The following SLCO1B1 variants were observed in gnomAD, a reference collection of about 807,000 sequenced individuals.
The protein encoded by SLCO1B1 is OATP-2.
SLCO1B1 carries 81 observed loss-of-function variants against 70.1 expected under a neutral mutation model. The observed-to-expected ratio is 1.16, with a 90% confidence interval of 0.97 to 1.39. SLCO1B1 has a LOEUF of 1.39. Ranked by LOEUF, SLCO1B1 falls within the 40% of genes most tolerant of loss-of-function variation. The probability of loss-of-function intolerance (pLI) is 0.00; values close to 1 mark genes in which losing one functional copy is unlikely to be tolerated. For missense variants in SLCO1B1, 895 were observed against 799.6 expected (o/e 1.12, Z -1.44); for synonymous variants, 283 against 271.5 (o/e 1.04, Z -0.42).
intron 2 of SLCO1B1, chr12:21,164,883 A>G (rs1354506536): frequency 4.3e-6 from 2 of 467,470 alleles, no homozygotes; most frequent in Non-Finnish European, 8.5e-6. Flanking sequence ...ATAAAACTCA[A>G]TACATATTAT....
In SLCO1B1 at chr12:21,231,234, T is replaced by C. The variant is rs1941533865; in HGVS notation, c.1865+6395T>C. The stretch of plus-strand genomic sequence containing the variant: ...AATCCAGTCTATCACTGATGGACAT[T>C]TGGGTTGGTTCCAAGTCTTTGCTAT... On this transcript the variant is annotated intron_variant, in intron 14 of 14. Transcript: ENST00000256958. Among the ~76,000 whole-genome samples the C allele has an allele frequency of 2.6e-5, 4 of 152,206 alleles. No individual in the cohort carries two copies. The South Asian group carries it at 6.2e-4, about 24-fold the overall frequency.
Position 21,150,974 on chromosome 12 carries a change from A to G in SLCO1B1, c.84+9316A>G, listed in dbSNP as rs540363085. On this transcript the variant is annotated intron_variant, in intron 2 of 14. Transcript: ENST00000256958. ...GATATATAGTCATGTGTCATTTAACAACAGGAATGCATTATGAGAAATGCA... is the reference window on the plus strand; with the variant it reads ...GATATATAGTCATGTGTCATTTAACGACAGGAATGCATTATGAGAAATGCA... Among the ~76,000 whole-genome samples, 4 of 152,344 alleles carry G rather than the reference A, an allele frequency of 2.6e-5. No individual in the cohort carries two copies. The East Asian group carries it at 7.7e-4, about 29-fold the overall frequency.
intron 4 of SLCO1B1, among the ~76,000 whole-genome samples, chr12:21,175,837 C>A (rs1193607658): frequency 6.6e-6 from 1 of 151,830 alleles, no homozygotes; most frequent in African/African-American, 2.4e-5. Context: ...GGAAAATAAA[C>A]CTTAAAGGCA....
chr12:21,179,606 T>G (rs1591810909), intron 7 of SLCO1B1, among the ~76,000 whole-genome samples: 1 of 152,194 alleles, frequency 6.6e-6, no homozygotes. Flanking sequence ...ATCTCATAGA[T>G]GAAAGAGATG....
chr12:21,147,362 A>T (rs2121051538), intron 2 of SLCO1B1, among the ~76,000 whole-genome samples: 1 of 152,260 alleles, frequency 6.6e-6, no homozygotes, highest in South Asian at 2.1e-4. Flanking sequence ...AGGTAAACAC[A>T]TGCCATGGTG....
chr12:21,139,163 T>C (rs1940272644), intron 1 of SLCO1B1, among the ~76,000 whole-genome samples: 1 of 152,058 alleles, frequency 6.6e-6, no homozygotes, highest in Non-Finnish European at 1.5e-5. Context: ...TTGCAAGTCA[T>C]ACAGAGATAT....
At chr12:21,210,822 A>G (rs1277851734) in intron 11 of SLCO1B1, among the ~76,000 whole-genome samples, 2 of 151,704 alleles carry the variant, frequency 1.3e-5, no homozygotes, top group Non-Finnish European at 2.9e-5. Context: ...CTTTAAAGCA[A>G]TTGTGAATGG....
At chr12:21,171,419 T>C (rs1317290332) in intron 2 of SLCO1B1, among the ~76,000 whole-genome samples, 2 of 152,142 alleles carry the variant, frequency 1.3e-5, no homozygotes, top group African/African-American at 4.8e-5. Context: ...TTGTTTATGG[T>C]CTCATAGGTT....
chr12:21,193,993 G>A (rs936381051), intron 7 of SLCO1B1, among the ~76,000 whole-genome samples: 12 of 151,996 alleles, frequency 7.9e-5, no homozygotes, highest in South Asian at 2.1e-4. Flanking sequence ...GGGTTTCACC[G>A]TGTTAGCCAG....
chr12:21,171,956 C>A (rs1240112103), intron 2 of SLCO1B1, among the ~76,000 whole-genome samples: 5 of 152,048 alleles, frequency 3.3e-5, no homozygotes, highest in African/African-American at 9.7e-5. Context: ...AAGACCCTAT[C>A]ACCAAACATC....
chr12:21,165,074 C>A (rs1354522498), intron 2 of SLCO1B1, among the ~76,000 whole-genome samples: 1 of 152,020 alleles, frequency 6.6e-6, no homozygotes, highest in Non-Finnish European at 1.5e-5. Context: ...CAGTTGAGTT[C>A]CAAAGCTAAT....
intron 1 of SLCO1B1, among the ~76,000 whole-genome samples, chr12:21,132,679 G>T (rs117848419): frequency 1.2e-4 from 18 of 152,098 alleles, no homozygotes; most frequent in Admixed American, 3.3e-4. Context: ...TTCTTGATGG[G>T]GTCGTTTGTC....
In SLCO1B1 at chr12:21,157,022, C is replaced by T. The variant is rs553643209; in HGVS notation, c.84+15364C>T. ...ATTCACAAACATCTTCATGAACACA[C>T]GAACATAATTTCTTTTGAATCTTAC... On this transcript the variant is annotated intron_variant, in intron 2 of 14. Coordinates refer to ENST00000256958, the MANE Select transcript of SLCO1B1 (RefSeq NM_006446.5). Among the ~76,000 whole-genome samples, 5 of 152,190 alleles carry T rather than the reference C, an allele frequency of 3.3e-5. No homozygotes were observed. The South Asian group carries it at 6.2e-4, about 19-fold the overall frequency.
At chr12:21,192,584 T>C (rs1434759765) in intron 7 of SLCO1B1, among the ~76,000 whole-genome samples, 2 of 151,918 alleles carry the variant, frequency 1.3e-5, no homozygotes, top group Non-Finnish European at 2.9e-5. Context: ...ATATTCTTTA[T>C]TGTATTTATT....
At chr12:21,208,567 C>T (rs758852633) in intron 11 of SLCO1B1, among the ~76,000 whole-genome samples, 2 of 152,042 alleles carry the variant, frequency 1.3e-5, no homozygotes, top group Non-Finnish European at 2.9e-5. Context: ...AATGGGATGC[C>T]TCTCACTTTG....
At chr12:21,184,719 A>G (rs1940944551) in intron 7 of SLCO1B1, among the ~76,000 whole-genome samples, 2 of 152,158 alleles carry the variant, frequency 1.3e-5, no homozygotes, top group Admixed American at 1.3e-4. Context: ...CTATGAAACA[A>G]CCAGCTAACA....
intron 2 of SLCO1B1, among the ~76,000 whole-genome samples, chr12:21,144,699 A>G (rs1486786566): frequency 6.6e-6 from 1 of 152,208 alleles, no homozygotes; most frequent in Admixed American, 6.5e-5. Context: ...GAGCCCCATC[A>G]GTCTAACAAT....
In SLCO1B1 at chr12:21,200,548, G is replaced by A; in HGVS notation, c.1011G>A (p.Leu337=). The change falls in exon 9 of 15, where the codon CTG becomes CTA. Residue 337 remains leucine (L), a synonymous_variant. Transcript: ENST00000256958. ...QSFKSILTNP[L]YVMFVLLTLL... Reference sequence around the variant, plus strand: ...TTAAAAGCATCCTTACTAATCCCCTGTATGTTATGTTTGTGCTTTTGACGT... The same window carrying A: ...TTAAAAGCATCCTTACTAATCCCCTATATGTTATGTTTGTGCTTTTGACGT... The A allele has an allele frequency of 6.2e-7, 1 of 1,603,086 alleles. No homozygotes were observed. The highest frequency in any genetic ancestry group is 8.5e-7 in the Non-Finnish European group (1 of 1,173,520).
At chr12:21,161,084 T>C (rs1026805575) in intron 2 of SLCO1B1, among the ~76,000 whole-genome samples, 1 of 152,150 alleles carries the variant, frequency 6.6e-6, no homozygotes, top group Non-Finnish European at 1.5e-5. Context: ...AGTTCAACCA[T>C]GTGCAAAGCA....
Sources: gnomAD v4.1 joint callset for allele counts (sites outside exome capture counted in the v4.1 genomes callset) on GRCh38, gnomAD v4.1.1 for gene constraint, MANE v1.5 for transcripts, NCBI Gene and HGNC (gene_info 2026-07-23, HGNC 2026-07-21) for gene names.